REEP4: variants seen among roughly 807,000 people sequenced by gnomAD.
The protein encoded by REEP4 is receptor expression-enhancing protein 4.
In REEP4, 17 loss-of-function variants were observed where a neutral mutation model predicts 33.5. The observed-to-expected ratio is 0.51, with a 90% CI of 0.35 to 0.76. The LOEUF is 0.76. Ranked by LOEUF, REEP4 falls within the 30% of genes least tolerant of loss-of-function variation. The pLI is 0.01. For missense variants in REEP4, 340 were observed against 357.9 expected, an observed-to-expected ratio of 0.95 and a Z score of 0.40; for synonymous variants, 157 against 142.9, an observed-to-expected ratio of 1.10 and a Z score of -0.70.
At position 22,140,312 on chromosome 8, in the gene REEP4, C is replaced by G. The variant is rs946456009; in HGVS notation, c.106-64G>C. On this transcript the variant is annotated intron_variant, in intron 2 of 7. Transcript: ENST00000306306. ...AGCACCAACTCCCAACCCAGGCCAG[C>G]CCAGCCCAGAGATTCCAGGGAGCCT... 2.0e-6 allele frequency: 3 copies of G among 1,527,628 alleles called. No individual in the cohort carries two copies. In the African/African-American group the frequency reaches 4.1e-5, roughly 21 times the overall value. The allele number at this position is 1,527,628 out of a possible 1,614,324, so 94.6% of individuals were successfully genotyped here.
At chr8:22,138,864 C>T in intron 6 of REEP4, 62 bp downstream of exon 6, 6 of 1,552,278 alleles carry the variant, frequency 3.9e-6, no homozygotes, top group Non-Finnish European at 5.2e-6. Flanking sequence ...TGGGGGAAGC[C>T]ATGGTGTGAG....
intron 1 of REEP4, 95 bp from the exon 2 acceptor site, chr8:22,140,792 T>C: frequency 9.6e-7 from 1 of 1,046,714 alleles, no homozygotes. Context: ...AAGGTGGCAG[T>C]ACCCGCCCTG....
chr8:22,139,645 G>T, intron 4 of REEP4, 116 bp from the exon 5 acceptor site: 1 of 845,018 alleles, frequency 1.2e-6, no homozygotes, highest in Non-Finnish European at 1.8e-6. Flanking sequence ...CCCACCTGGT[G>T]CCCAGAGCCA....
chr8:22,138,674 G>A lies in REEP4; in HGVS notation c.673C>T (p.Leu225=). Residue 225 remains leucine (L), a synonymous_variant, in exon 7 of 8, where the codon CTG becomes TTG. Transcript: ENST00000306306. The part of the protein sequence containing the change: ...REKPLIRSQS[L]RVVKRKPPVR... ...GGTGGCTTCCTCTTGACCACACGCA[G>A]GCTCTGGCTGCGGATTAGGGGCTTC... The A allele has an allele frequency of 6.2e-7, 1 of 1,613,836 alleles. No homozygotes were observed. The highest frequency in any genetic ancestry group is 1.1e-5 in the South Asian group (1 of 91,088).
At chr8:22,139,739 A>C (rs1827196554) in intron 4 of REEP4, 2 of 693,616 alleles carry the variant, frequency 2.9e-6, no homozygotes, top group Admixed American at 2.9e-5. Flanking sequence ...AGCTGCCGCC[A>C]CCACTACCCC....
rs1193346174 is a variant in REEP4 at position 22,141,882 on chromosome 8, CACTT to C, written c.-404_-401del. 6.9e-4 allele frequency: 144 copies of C among 209,808 alleles called. 2 individuals are homozygous for C. In the East Asian group the frequency reaches 0.015, roughly 22 times the overall value. The allele number at this position is 209,808 out of a possible 1,614,324, so 13.0% of individuals were successfully genotyped here. A position where few individuals can be genotyped will look rare whatever the true frequency, so the allele number is the denominator to read the frequency against. On this transcript the variant is annotated 5_prime_UTR_variant, in exon 1 of 8. Coordinates refer to ENST00000306306, the MANE Select transcript of REEP4 (RefSeq NM_025232.4). ...GGCCTACAGGGCGGAGTTCGCAACT[CACTT>C]GAAAGTTGCACGGAACCGAGTGCTG... is the stretch of plus-strand genomic sequence containing the variant.
In REEP4 at chr8:22,138,984, A is replaced by G; in HGVS notation, c.495T>C (p.Pro165=). The G allele has an allele frequency of 6.2e-6, 10 of 1,608,884 alleles. No individual in the cohort carries two copies. The highest frequency in any genetic ancestry group is 6.8e-6 in the Non-Finnish European group (8 of 1,178,008). Residue 165 remains proline, a synonymous_variant, in exon 6 of 8, where the codon CCT becomes CCC. Transcript: ENST00000306306. The part of the protein sequence containing the change: ...DLRSISDAPA[P]AYHDPLYLED... ...CCAGGTAGAGGGGGTCATGGTAGGC[A>G]GGGGCAGGTGCGTCAGAGATGGAGC...
rs1216923701 is a variant in REEP4, at chr8:22,138,632, C to T, written c.708+7G>A. ...CCTCCTCCCTCCTGTCGTCCTCCCA[C>T]ACTGACCTCCCGCACCGGTGGCTTC... On this transcript the variant is annotated splice_region_variant and intron_variant, in intron 7 of 7. Coordinates refer to ENST00000306306, the MANE Select transcript of REEP4 (RefSeq NM_025232.4). 1.2e-6 allele frequency: 2 copies of T among 1,614,008 alleles called. No homozygotes were observed. Among genetic ancestry groups the T allele is most frequent in the Non-Finnish European group, 1.7e-6 (2 of 1,180,028 alleles).
At position 22,138,133 on chromosome 8, in the gene REEP4, T is replaced by C. The variant is rs1827157074; in HGVS notation, c.*354A>G. ...GCCTTATGAAAGGCTATCAAGTACT[T>C]TGAAGGACAGGAAGGAATGAACACA... is the stretch of plus-strand genomic sequence containing the variant. On this transcript the variant is annotated 3_prime_UTR_variant, in exon 8 of 8. Coordinates refer to ENST00000306306, the MANE Select transcript of REEP4 (RefSeq NM_025232.4). 3.4e-6 allele frequency: 2 copies of C among 589,402 alleles called. No homozygotes were observed. The highest frequency in any genetic ancestry group is 2.0e-5 in the South Asian group (1 of 49,438). 36.5% of individuals were successfully genotyped at this position (589,402 alleles called of 1,614,324 possible).
At chr8:22,141,315 G>A in intron 1 of REEP4, 136 bp downstream of exon 1, 1 of 1,062,998 alleles carries the variant, frequency 9.4e-7, no homozygotes, top group South Asian at 1.6e-5. Flanking sequence ...CAAGCCCACA[G>A]GTCCGTTAAC....
chr8:22,140,721 G>A, intron 1 of REEP4, 24 bp from the exon 2 acceptor site: 1 of 1,598,298 alleles, frequency 6.3e-7, no homozygotes. Flanking sequence ...CATGGGGAGT[G>A]TGAGGGGCAC....
At chr8:22,140,511 CCCACT>C in intron 2 of REEP4, 109 bp downstream of exon 2, 1 of 965,014 alleles carries the variant, frequency 1.0e-6, no homozygotes. Context: ...TCTCTCCCTC[CCCACT>C]CCACTCAGGA....
chr8:22,138,744 C>T lies in REEP4; in HGVS notation c.603G>A (p.Trp201Ter). ...LQDSDTEDEC[W>*]SDTEAVPRAP... The stretch of plus-strand genomic sequence containing the variant: ...CCCGGGGGACTGCCTCAGTATCTGA[C>T]CAACACTCATCCTCGGTGTCGCTGT... The change falls in exon 7 of 8, where the codon TGG (tryptophan) becomes TGA (stop). Residue 201 changes from tryptophan (W) to a stop codon, truncating the protein, a stop_gained. Transcript: ENST00000306306. LOFTEE classifies it high-confidence loss of function. 1 of 1,612,032 alleles carries T rather than the reference C, an allele frequency of 6.2e-7. No individual in the cohort carries two copies. The highest frequency in any genetic ancestry group is 8.5e-7 in the Non-Finnish European group (1 of 1,179,508).
chr8:22,141,797 G>C lies in REEP4; in HGVS notation c.-315C>G, dbSNP rs538003787. 34 of 347,918 alleles carry C rather than the reference G, an allele frequency of 9.8e-5. No individual in the cohort carries two copies. The highest frequency in any genetic ancestry group is 1.6e-4 in the Non-Finnish European group (31 of 192,256). 21.6% of individuals were successfully genotyped at this position (347,918 alleles called of 1,614,324 possible). ...GCGGAGAACCTGGCGCTCGGCCCTT[G>C]CTGCTGGTCCCGCGCTGGAGCGGGT... On this transcript the variant is annotated 5_prime_UTR_variant, in exon 1 of 8. Transcript: ENST00000306306.
rs759709065 is a variant in REEP4 at position 22,138,809 on chromosome 8, G to A, written c.554-16C>T. On this transcript the variant is annotated splice_polypyrimidine_tract_variant and intron_variant, in intron 6 of 7. Coordinates refer to ENST00000306306, the MANE Select transcript of REEP4 (RefSeq NM_025232.4). ...GCCCGGTACCCTGTGTGGAGGAGGA[G>A]GTGAAGCTGAAAGCCTGCGACCAGG... is the stretch of plus-strand genomic sequence containing the variant. The A allele has an allele frequency of 3.2e-6, 5 of 1,582,342 alleles. No homozygotes were observed. Among genetic ancestry groups the A allele is most frequent in the Non-Finnish European group, 3.4e-6 (4 of 1,167,336 alleles).
intron 5 of REEP4, 85 bp from the exon 6 acceptor site, chr8:22,139,146 G>T: frequency 6.6e-7 from 1 of 1,513,712 alleles, no homozygotes. Context: ...ACGCAGAAGT[G>T]AAAACTGCTC....
rs759330404 is a variant in REEP4, at chr8:22,141,504, G to A, written c.-22C>T. ...CCATCTTGCCGGCCTTTGGGACGTGGGGAGGACCCCAGGAAGCCGCTCAGA... is the reference window on the plus strand; with the variant it reads ...CCATCTTGCCGGCCTTTGGGACGTGAGGAGGACCCCAGGAAGCCGCTCAGA... On this transcript the variant is annotated 5_prime_UTR_variant, in exon 1 of 8. Coordinates refer to ENST00000306306, the MANE Select transcript of REEP4 (RefSeq NM_025232.4). The A allele has an allele frequency of 6.3e-7, 1 of 1,590,184 alleles. No individual in the cohort carries two copies. The highest frequency in any genetic ancestry group is 8.6e-7 in the Non-Finnish European group (1 of 1,169,390).
chr8:22,138,971 G>A lies in REEP4; in HGVS notation c.508C>T (p.Pro170Ser), dbSNP rs777298824. The change falls in exon 6 of 8, where the codon CCC becomes TCC. Residue 170 changes from proline to serine, a missense_variant. Physicochemically the swap from Pro to Ser is moderately conservative, Grantham distance 74 (BLOSUM62 -1). Coordinates refer to ENST00000306306, the MANE Select transcript of REEP4 (RefSeq NM_025232.4). The stretch of plus-strand genomic sequence containing the variant: ...GACACCTGGTCCTCCAGGTAGAGGG[G>A]GTCATGGTAGGCAGGGGCAGGTGCG... ...SDAPAPAYHD[P>S]LYLEDQVSHR... 4 of 1,608,892 alleles carry A rather than the reference G, an allele frequency of 2.5e-6. No homozygotes were observed. Among genetic ancestry groups the A allele is most frequent in the East Asian group, 4.5e-5 (2 of 44,872 alleles).
chr8:22,140,306 G>C, intron 2 of REEP4, 58 bp from the exon 3 acceptor site: 1 of 1,552,154 alleles, frequency 6.4e-7, no homozygotes, highest in Non-Finnish European at 8.9e-7. Flanking sequence ...TCCCAACCCA[G>C]GCCAGCCCAG....
Sources: allele counts gnomAD v4.1 joint callset, GRCh38; gene constraint gnomAD v4.1.1; transcripts MANE v1.5; gene names NCBI Gene and HGNC (gene_info 2026-07-23, HGNC 2026-07-21).